Variants in CNTROB observed in about 807,000 individuals in gnomAD.
CNTROB encodes the protein centrobin, centriole duplication and spindle assembly protein.
CNTROB carries 82 observed loss-of-function variants against 115.7 expected under a neutral mutation model. The ratio of observed to expected loss-of-function variants is 0.71; its 90% confidence interval spans 0.59 to 0.85. The LOEUF is 0.85. CNTROB is among the 40% of genes least tolerant of loss of function. The probability of loss-of-function intolerance (pLI) is 0.00; values close to 1 mark genes in which losing one functional copy is unlikely to be tolerated. For synonymous variants in CNTROB, 439 were observed against 456.4 expected (o/e 0.96, Z 0.49); for missense variants, 1,014 against 1,144.4 (o/e 0.89, Z 1.64).
At chr17:7,941,628 A>G (rs1210143586) in intron 9 of CNTROB, among the ~76,000 whole-genome samples, 3 of 146,652 alleles carry the variant, frequency 2.0e-5, no homozygotes, top group Non-Finnish European at 3.0e-5. Context: ...GAATTGACCT[A>G]GGGCTTCAGG....
At chr17:7,937,410 C>G in intron 7 of CNTROB, 148 bp downstream of exon 7, 1 of 877,334 alleles carries the variant, frequency 1.1e-6, no homozygotes, top group Non-Finnish European at 1.7e-6. Flanking sequence ...ACTAATTCAG[C>G]TAGATATTCT....
chr17:7,938,001 G>GTTTTTTTTTTTTTTTT (rs368082295), intron 7 of CNTROB, among the ~76,000 whole-genome samples: 1 of 104,310 alleles, frequency 9.6e-6, no homozygotes, highest in Non-Finnish European at 1.8e-5. Context: ...TTCTTTTCGT[G>GTTTTTTTTTTTTTTTT]TTTTTTTTTT....
rs116322830 is a variant in CNTROB at position 7,936,747 on chromosome 17, G to A, written c.758G>A (p.Arg253Gln). 1.4e-4 allele frequency: 213 copies of A among 1,570,144 alleles called. No individual in the cohort carries two copies. In the African/African-American group the frequency reaches 1.7e-3, roughly 13 times the overall value. The change falls in exon 6 of 19, where the codon CGG becomes CAG. Residue 253 changes from arginine to glutamine, a missense_variant. Arg to Gln is a conservative substitution (Grantham distance 43). Transcript: ENST00000563694. Reference protein sequence around the residue: ...VEGWNRHEAERTEVLRGLQEE... With the variant: ...VEGWNRHEAEQTEVLRGLQEE... ...GGCTGGAACCGGCATGAGGCTGAGC[G>A]GACAGAGGTTCTCAGGGGACTTCAA...
chr17:7,936,586 G>A (rs533955790), intron 5 of CNTROB, 104 bp downstream of exon 5: 25 of 791,264 alleles, frequency 3.2e-5, no homozygotes, highest in Non-Finnish European at 5.8e-5. Flanking sequence ...GCTGAGAGCT[G>A]GGCAAGGGGT....
chr17:7,933,480 G>T, intron 1 of CNTROB, 131 bp downstream of exon 1: 3 of 975,612 alleles, frequency 3.1e-6, no homozygotes, highest in Non-Finnish European at 4.4e-6. Context: ...CCTTTTAACT[G>T]CATAGGCAGC....
In CNTROB at chr17:7,935,109, G is replaced by A. The variant is rs1972993339; in HGVS notation, c.558G>A (p.Leu186=). The change falls in exon 4 of 19, where the codon CTG becomes CTA. Residue 186 remains leucine, a synonymous_variant. Transcript: ENST00000563694. ...TCAATCCCCCAGATTTTCAGGGGCT[G>A]AGAGATGCATTGGATTCAGAGCATA... The part of the protein sequence containing the change: ...PPLNPPDFQG[L]RDALDSEHTR... 2.5e-6 allele frequency: 4 copies of A among 1,614,138 alleles called. No homozygotes were observed. Among genetic ancestry groups the A allele is most frequent in the Non-Finnish European group, 3.4e-6 (4 of 1,180,030 alleles).
At chr17:7,938,550 A>G (rs1328524035) in intron 7 of CNTROB, among the ~76,000 whole-genome samples, 2 of 152,222 alleles carry the variant, frequency 1.3e-5, no homozygotes, top group Non-Finnish European at 2.9e-5. Context: ...TGTATTGAGT[A>G]CTTACTATGT....
chr17:7,942,771 GTACTC>G (rs1005710659), intron 9 of CNTROB, among the ~76,000 whole-genome samples: 4 of 141,960 alleles, frequency 2.8e-5, no homozygotes, highest in African/African-American at 1.0e-4. Flanking sequence ...TGGCTTTCAG[GTACTC>G]TACTCAGGGT....
In CNTROB at chr17:7,935,126, C is replaced by T; in HGVS notation, c.575C>T (p.Ser192Leu). The change falls in exon 4 of 19, where the codon TCA becomes TTA. Residue 192 changes from serine (S) to leucine (L), a missense_variant. Coordinates refer to ENST00000563694, the MANE Select transcript of CNTROB (RefSeq NM_053051.5). ...DFQGLRDALD[S>L]EHTRRKHCER... The stretch of plus-strand genomic sequence containing the variant: ...CAGGGGCTGAGAGATGCATTGGATT[C>T]AGAGCATACCCGCCGCAAGGTAAGA... 1 of 1,613,746 alleles carries T rather than the reference C, an allele frequency of 6.2e-7. No individual in the cohort carries two copies. The highest frequency in any genetic ancestry group is 8.5e-7 in the Non-Finnish European group (1 of 1,179,974).
chr17:7,944,309 A>T lies in CNTROB; in HGVS notation c.1571+61A>T. ...CCCCTTTCCCATGGGTAGAGCCCAA[A>T]CTGGGAACGGTGAAGAGCTGCTCCC... On this transcript the variant is annotated intron_variant, in intron 11 of 18. Transcript: ENST00000563694. This position sits in a 1 kb window ranked among gnomAD's most constrained non-coding sequence, Gnocchi z 4.0. 6.3e-7 allele frequency: 1 copy of T among 1,587,522 alleles called. No homozygotes were observed. The highest frequency in any genetic ancestry group is 8.7e-7 in the Non-Finnish European group (1 of 1,155,832).
intron 4 of CNTROB, 83 bp from the exon 5 acceptor site, chr17:7,936,283 C>A (rs1223050096): frequency 2.6e-6 from 2 of 768,728 alleles, no homozygotes; most frequent in African/African-American, 1.7e-5. Context: ...CCAGCCCACT[C>A]CCCCACTAGA....
At position 7,949,687 on chromosome 17, in the gene CNTROB, A is replaced by G; in HGVS notation, c.*177A>G. On this transcript the variant is annotated 3_prime_UTR_variant, in exon 19 of 19. Coordinates refer to ENST00000563694, the MANE Select transcript of CNTROB (RefSeq NM_053051.5). ...CTTTTTTTATATGTTACATGTTTAT[A>G]TGTCATTTCCTGTGGGAAAAGACAT... The G allele has an allele frequency of 1.9e-6, 1 of 535,856 alleles. No individual in the cohort carries two copies. The highest frequency in any genetic ancestry group is 3.9e-5 in the South Asian group (1 of 25,642). The allele number at this position is 535,856 out of a possible 1,614,324, so 33.2% of individuals were successfully genotyped here.
At position 7,936,439 on chromosome 17, in the gene CNTROB, C is replaced by A; in HGVS notation, c.668C>A (p.Ala223Asp). Reference protein sequence around the residue: ...ELQQQLAVAVAADRKKDTMIE... With the variant: ...ELQQQLAVAVDADRKKDTMIE... Reference sequence around the variant, plus strand: ...CAGCAACAATTAGCCGTGGCTGTGGCTGCCGACCGCAAGAAAGATACCATG... The same window carrying A: ...CAGCAACAATTAGCCGTGGCTGTGGATGCCGACCGCAAGAAAGATACCATG... Residue 223 changes from alanine to aspartate, a missense_variant, in exon 5 of 19, where the codon GCT (alanine) becomes GAT (aspartate). By Grantham distance (126) the Ala-to-Asp change is moderately radical (BLOSUM62 -2). Transcript: ENST00000563694. 6.4e-7 allele frequency: 1 copy of A among 1,560,916 alleles called. No individual in the cohort carries two copies.
At chr17:7,947,160 CAAAAA>C (rs796605627) in intron 13 of CNTROB, among the ~76,000 whole-genome samples, 1 of 58,510 alleles carries the variant, frequency 1.7e-5, no homozygotes, top group Non-Finnish European at 3.3e-5. Context: ...GACTCCATCT[CAAAAA>C]AAAAAAAAAA....
chr17:7,949,328 T>C (rs1974936016), intron 18 of CNTROB, 57 bp from the exon 19 acceptor site: 2 of 1,605,916 alleles, frequency 1.2e-6, no homozygotes, highest in Admixed American at 1.7e-5. Flanking sequence ...CTCAGTGGGG[T>C]GGGGAATTGA....
intron 17 of CNTROB, 59 bp from the exon 18 acceptor site, chr17:7,949,026 G>A: frequency 6.2e-7 from 1 of 1,613,546 alleles, no homozygotes; most frequent in South Asian, 1.1e-5. Flanking sequence ...CTTCCATCCA[G>A]TATTGGGTAA....
rs555284409 is a variant in CNTROB at position 7,942,036 on chromosome 17, G to A, written c.1312-1355G>A. 5.9e-5 allele frequency among the ~76,000 whole-genome samples: 9 copies of A among 151,896 alleles called. No individual in the cohort carries two copies. The South Asian group carries it at 1.5e-3, about 25-fold the overall frequency. ...AATCCCAGCACTTTGGGAGGCTGAAGTGGGAGGATTGCTTGAGTCCAAGAG... is the reference window on the plus strand; with the variant it reads ...AATCCCAGCACTTTGGGAGGCTGAAATGGGAGGATTGCTTGAGTCCAAGAG... On this transcript the variant is annotated intron_variant, in intron 9 of 18. Coordinates refer to ENST00000563694, the MANE Select transcript of CNTROB (RefSeq NM_053051.5).
intron 12 of CNTROB, among the ~76,000 whole-genome samples, chr17:7,945,031 A>G (rs1211774869): frequency 6.6e-6 from 1 of 152,196 alleles, no homozygotes; most frequent in Admixed American, 6.5e-5. Context: ...CATTGGGCAT[A>G]ACTCTAGTCT....
At chr17:7,942,468 G>A (rs906570466) in intron 9 of CNTROB, among the ~76,000 whole-genome samples, 6 of 151,594 alleles carry the variant, frequency 4.0e-5, no homozygotes, top group Non-Finnish European at 5.9e-5. Context: ...GTGGTGGCAC[G>A]CACCTGTAGT....
Sources: allele counts gnomAD v4.1 joint callset (sites outside exome capture counted in the v4.1 genomes callset), GRCh38; gene constraint gnomAD v4.1.1; non-coding constraint Gnocchi (gnomAD v3.1); transcripts MANE v1.5; gene names NCBI Gene and HGNC (gene_info 2026-07-23, HGNC 2026-07-21).